KNL1: variants seen among roughly 807,000 people sequenced by gnomAD.
The protein encoded by KNL1 is outer kinetochore KNL1 complex subunit KNL1.
KNL1 carries 66 observed loss-of-function variants against 201.3 expected under a neutral mutation model. The observed-to-expected ratio is 0.33, with a 90% CI of 0.27 to 0.40. The LOEUF is 0.40. Ranked by LOEUF, KNL1 falls within the 10% of genes least tolerant of loss-of-function variation. The pLI, the probability that KNL1 is intolerant of heterozygous loss-of-function variation, is 1.00. For synonymous variants in KNL1, 895 were observed against 899.2 expected, an observed-to-expected ratio of 1.00 and a Z score of 0.08; for missense variants, 2,815 against 2,690.5, an observed-to-expected ratio of 1.05 and a Z score of -1.02.
chr15:40,657,826 G>A (rs1043170204), intron 24 of KNL1, among the ~76,000 whole-genome samples: 1 of 152,148 alleles, frequency 6.6e-6, no homozygotes, highest in Non-Finnish European at 1.5e-5. Flanking sequence ...CTTGTGTAGT[G>A]ACCAGATTTC....
At chr15:40,603,722 A>C (rs1891883949) in intron 2 of KNL1, among the ~76,000 whole-genome samples, 1 of 152,226 alleles carries the variant, frequency 6.6e-6, no homozygotes, top group African/African-American at 2.4e-5. Context: ...ACTTTTATTG[A>C]AGTGGCATAG....
At position 40,618,977 on chromosome 15, in the gene KNL1, C is replaced by A; in HGVS notation, c.341C>A (p.Ser114Tyr). The stretch of plus-strand genomic sequence containing the variant: ...TAAATAGGGATGAACACATTGCTTT[C>A]TGCTCCCATTCATACCCAGATGCAA... ...CEITGMNTLL[S>Y]APIHTQMQQK... The change falls in exon 9 of 26, where the codon TCT becomes TAT. Residue 114 changes from serine to tyrosine, a missense_variant. This residue lies in a region of KNL1 where 2,464 missense variants were observed against 2,291.7 expected (regional missense o/e 1.08). Transcript: ENST00000399668. 6.2e-7 allele frequency: 1 copy of A among 1,607,498 alleles called. No homozygotes were observed. Among genetic ancestry groups the A allele is most frequent in the Non-Finnish European group, 8.5e-7 (1 of 1,174,826 alleles).
intron 10 of KNL1, among the ~76,000 whole-genome samples, 199 bp from the exon 11 acceptor site, chr15:40,627,871 A>G (rs1354217955): frequency 6.6e-6 from 1 of 152,240 alleles, no homozygotes; most frequent in East Asian, 1.9e-4. Flanking sequence ...AGTATAATCC[A>G]TAGAGTAATT....
At chr15:40,657,587 C>A in intron 24 of KNL1, 114 bp downstream of exon 24, 1 of 625,910 alleles carries the variant, frequency 1.6e-6, no homozygotes, top group Admixed American at 2.7e-5. Context: ...GTTATTCTTT[C>A]TGAGGGCTGT....
intron 7 of KNL1, among the ~76,000 whole-genome samples, chr15:40,613,320 A>G (rs1892233726): frequency 6.6e-6 from 1 of 152,184 alleles, no homozygotes; most frequent in Non-Finnish European, 1.5e-5. Flanking sequence ...TGACTTATGC[A>G]TATATATGCA....
intron 2 of KNL1, among the ~76,000 whole-genome samples, chr15:40,604,773 GA>G (rs746556177): frequency 1.3e-5 from 2 of 152,132 alleles, no homozygotes; most frequent in African/African-American, 2.4e-5. Context: ...ATAGGCATTT[GA>G]ATTTTCAAAA....
chr15:40,595,646 G>A (rs1043832100), intron 1 of KNL1, among the ~76,000 whole-genome samples: 1 of 152,198 alleles, frequency 6.6e-6, no homozygotes, highest in African/African-American at 2.4e-5. Context: ...AAGCAGTGCT[G>A]TCCAACAGGG....
intron 3 of KNL1, among the ~76,000 whole-genome samples, chr15:40,605,889 G>A (rs1891954830): frequency 6.6e-6 from 1 of 152,152 alleles, no homozygotes; most frequent in Non-Finnish European, 1.5e-5. Context: ...TCTACTCTTA[G>A]TGCTTCCTCT....
chr15:40,652,762 A>AAAC (rs1252525072), intron 21 of KNL1, among the ~76,000 whole-genome samples: 1 of 145,484 alleles, frequency 6.9e-6, no homozygotes, highest in Non-Finnish European at 1.5e-5. Context: ...AACTGTCTCA[A>AAAC]AAAAAAAAAA....
In KNL1 at chr15:40,628,129, A is replaced by G; in HGVS notation, c.5436A>G (p.Lys1812=). 1 of 1,613,064 alleles carries G rather than the reference A, an allele frequency of 6.2e-7. No homozygotes were observed. The highest frequency in any genetic ancestry group is 8.5e-7 in the Non-Finnish European group (1 of 1,179,620). Reference sequence around the variant, plus strand: ...AAAGTGCTAACAGTGTATTGATAAAAAACCTGAGCAGGACCCCATCTAGTT... The same window carrying G: ...AAAGTGCTAACAGTGTATTGATAAAGAACCTGAGCAGGACCCCATCTAGTT... ...IDKSANSVLI[K]NLSRTPSSCS... The change falls in exon 11 of 26, where the codon AAA becomes AAG. Residue 1812 remains lysine (K), a synonymous_variant. Transcript: ENST00000399668.
chr15:40,622,087 C>G lies in KNL1; in HGVS notation c.1823C>G (p.Ser608Cys), dbSNP rs1892556022. Residue 608 changes from serine to cysteine, a missense_variant, in exon 10 of 26, where the codon TCT (serine) becomes TGT (cysteine). Transcript: ENST00000399668. The stretch of plus-strand genomic sequence containing the variant: ...GAATCTCACTCTCAGAGCAAAAGCT[C>G]TTCAGATGAATGTGAAGAAATTACC... ...TSESHSQSKSSSDECEEITKS... is the reference protein window; with the variant it reads ...TSESHSQSKSCSDECEEITKS... 1 of 1,613,950 alleles carries G rather than the reference C, an allele frequency of 6.2e-7. No homozygotes were observed. Among genetic ancestry groups the G allele is most frequent in the African/African-American group, 1.3e-5 (1 of 74,930 alleles).
At chr15:40,634,210 G>A (rs1321084236) in intron 13 of KNL1, among the ~76,000 whole-genome samples, 3 of 152,052 alleles carry the variant, frequency 2.0e-5, no homozygotes, top group South Asian at 4.1e-4. Flanking sequence ...AGGTTCAAGC[G>A]ATTCTTCTGC....
rs1893933297 is a variant in KNL1, at chr15:40,662,286, T to C, written c.*98T>C. ...CCTTTGTTTTTACGTCATTACAAGC[T>C]GAGTAAAATTCCTTCTGATGATGTT... On this transcript the variant is annotated 3_prime_UTR_variant, in exon 26 of 26. Transcript: ENST00000399668. 1 of 706,348 alleles carries C rather than the reference T, an allele frequency of 1.4e-6. No homozygotes were observed. The highest frequency in any genetic ancestry group is 1.8e-5 in the African/African-American group (1 of 56,294). 43.8% of individuals were successfully genotyped at this position (706,348 alleles called of 1,614,324 possible). A position where few individuals can be genotyped will look rare whatever the true frequency, so the allele number is the denominator to read the frequency against.
At chr15:40,640,765 T>G (rs1343494387) in intron 13 of KNL1, 147 bp from the exon 14 acceptor site, 11 of 573,492 alleles carry the variant, frequency 1.9e-5, no homozygotes, top group Non-Finnish European at 3.1e-5. Context: ...AGATTCCAAT[T>G]TTTTGTTTAC....
chr15:40,623,830 T>C lies in KNL1; in HGVS notation c.3566T>C (p.Phe1189Ser). ...AAAATACTTGAAGAAAACCCTAAAT[T>C]TGGAATAGGAAAAGGAAAAAACTTG... is the stretch of plus-strand genomic sequence containing the variant. ...TEKILEENPK[F>S]GIGKGKNLGV... Residue 1189 changes from phenylalanine (F) to serine (S), a missense_variant, in exon 10 of 26, where the codon TTT (phenylalanine) becomes TCT (serine). Physicochemically the swap from Phe to Ser is radical, Grantham distance 155 (BLOSUM62 -2). Transcript: ENST00000399668. 6.2e-7 allele frequency: 1 copy of C among 1,613,224 alleles called. No individual in the cohort carries two copies. Among genetic ancestry groups the C allele is most frequent in the Non-Finnish European group, 8.5e-7 (1 of 1,179,756 alleles).
chr15:40,630,489 A>G (rs1382937945), intron 13 of KNL1, among the ~76,000 whole-genome samples: 1 of 152,206 alleles, frequency 6.6e-6, no homozygotes, highest in African/African-American at 2.4e-5. Context: ...AACTGGGCCA[A>G]ACAGCAGGAG....
Position 40,595,421 on chromosome 15 carries a change from T to A in KNL1, c.-18+1029T>A, listed in dbSNP as rs181585267. 2.6e-5 allele frequency among the ~76,000 whole-genome samples: 4 copies of A among 152,346 alleles called. No individual in the cohort carries two copies. The East Asian group carries it at 5.8e-4, about 22-fold the overall frequency. ...TTGAGGTGGACGTTGGTTGGAGAGA[T>A]GATTTACAGATGGGAGTTAATATGT... On this transcript the variant is annotated intron_variant, in intron 1 of 25. Coordinates refer to ENST00000399668, the MANE Select transcript of KNL1 (RefSeq NM_144508.5).
rs1891928816 is a variant in KNL1 at position 40,605,064 on chromosome 15, C to T, written c.36-46C>T. 4 of 1,012,606 alleles carry T rather than the reference C, an allele frequency of 4.0e-6. No individual in the cohort carries two copies. In the East Asian group the frequency reaches 9.5e-5, roughly 24 times the overall value. The allele number at this position is 1,012,606 out of a possible 1,614,324, so 62.7% of individuals were successfully genotyped here. A position where few individuals can be genotyped will look rare whatever the true frequency, so the allele number is the denominator to read the frequency against. Reference sequence around the variant, plus strand: ...GCTGTGATGATGCCTTTTGTGAATTCATTTTTTTAAATCACTGTGTATATA... The same window carrying T: ...GCTGTGATGATGCCTTTTGTGAATTTATTTTTTTAAATCACTGTGTATATA... On this transcript the variant is annotated intron_variant, in intron 2 of 25. Coordinates refer to ENST00000399668, the MANE Select transcript of KNL1 (RefSeq NM_144508.5).
At chr15:40,645,281 T>C (rs1319479521) in intron 15 of KNL1, among the ~76,000 whole-genome samples, 194 bp downstream of exon 15, 1 of 152,238 alleles carries the variant, frequency 6.6e-6, no homozygotes, top group Non-Finnish European at 1.5e-5. Flanking sequence ...AGATGATCAA[T>C]TTAATATATG....
Sources: gnomAD v4.1 joint callset for allele counts (sites outside exome capture counted in the v4.1 genomes callset) on GRCh38, gnomAD v4.1.1 for gene constraint, gnomAD v4.1.1 regional missense constraint, MANE v1.5 for transcripts, NCBI Gene and HGNC (gene_info 2026-07-23, HGNC 2026-07-21) for gene names.